The following ZNF385D variants were observed in gnomAD, a reference collection of about 807,000 sequenced individuals.
ZNF385D encodes the protein zinc finger protein 659.
ZNF385D carries 15 observed loss-of-function variants against 35.8 expected under a neutral mutation model. That is an observed-to-expected ratio of 0.42 (90% CI 0.28 to 0.64). ZNF385D has a LOEUF of 0.64. Among genes scored for constraint, ZNF385D ranks in the 30% least tolerant of loss-of-function variants. The probability of loss-of-function intolerance (pLI) is 0.23; values close to 1 mark genes in which losing one functional copy is unlikely to be tolerated. For missense variants in ZNF385D, 474 were observed against 494.6 expected (o/e 0.96, Z 0.39); for synonymous variants, 212 against 186.8 (o/e 1.13, Z -1.10).
At chr3:22,307,375 G>C (rs1206595330) in intron 2 of ZNF385D, among the ~76,000 whole-genome samples, 1 of 152,124 alleles carries the variant, frequency 6.6e-6, no homozygotes, top group Non-Finnish European at 1.5e-5. Context: ...TCACAGAATT[G>C]AAGTTTAAGA....
chr3:22,117,574 A>G (rs190940760), intron 3 of ZNF385D, among the ~76,000 whole-genome samples: 181 of 149,614 alleles, frequency 1.2e-3, no homozygotes, highest in African/African-American at 4.2e-3. Context: ...TTATTCCACT[A>G]TTTTTTTTTT....
intron 2 of ZNF385D, among the ~76,000 whole-genome samples, chr3:22,177,854 A>G (rs568867443): frequency 6.6e-6 from 1 of 151,954 alleles, no homozygotes; most frequent in African/African-American, 2.4e-5. Context: ...TGTCCTTGTG[A>G]TAGTTTGCTG....
chr3:21,886,340 C>A lies in ZNF385D; in HGVS notation c.326-221312G>T, dbSNP rs1415600753. ...TGCACAGTGATTGTAGATTTAGTAA[C>A]CGAATCTGGCTGTGATTAATGAGGA... On this transcript the variant is annotated intron_variant, in intron 3 of 5. Coordinates refer to the ZNF385D transcript ENST00000494108. 3.5e-5 allele frequency among the ~76,000 whole-genome samples: 5 copies of A among 141,970 alleles called. No individual in the cohort carries two copies. In the Admixed American group the frequency reaches 3.6e-4, roughly 10 times the overall value. 93.1% of individuals were successfully genotyped at this position (141,970 alleles called of 152,430 possible).
intron 4 of ZNF385D, chr3:21,441,754 G>A (rs1288188865): frequency 7.1e-6 from 7 of 985,020 alleles, no homozygotes; most frequent in Middle Eastern, 5.2e-4. Flanking sequence ...TGCAAAAGAT[G>A]AGAAAGTAGG....
At chr3:22,105,097 A>G (rs1004920575) in intron 3 of ZNF385D, among the ~76,000 whole-genome samples, 25 of 152,280 alleles carry the variant, frequency 1.6e-4, no homozygotes, top group African/African-American at 4.3e-4. Context: ...AGGGGCCAAG[A>G]TAAGTATTCA....
chr3:21,773,466 T>A (rs1355163089), intron 3 of ZNF385D, among the ~76,000 whole-genome samples: 1 of 151,866 alleles, frequency 6.6e-6, no homozygotes, highest in African/African-American at 2.4e-5. Context: ...GGAAACTACA[T>A]CAGAGTAAAC....
intron 3 of ZNF385D, among the ~76,000 whole-genome samples, chr3:21,822,274 G>A (rs1157983496): frequency 6.6e-6 from 1 of 151,738 alleles, no homozygotes; most frequent in Non-Finnish European, 1.5e-5. Flanking sequence ...GGGTTTCACC[G>A]TGTTAGCCAG....
intron 3 of ZNF385D, among the ~76,000 whole-genome samples, chr3:21,936,473 C>G (rs1044443942): frequency 1.3e-5 from 2 of 151,874 alleles, no homozygotes; most frequent in African/African-American, 4.8e-5. Context: ...CTGTTACTAG[C>G]CCTACTCTGT....
At chr3:21,923,123 T>C (rs551621208) in intron 3 of ZNF385D, among the ~76,000 whole-genome samples, 2 of 152,272 alleles carry the variant, frequency 1.3e-5, no homozygotes, top group East Asian at 3.9e-4. Context: ...CATGTTGGTG[T>C]GCTACACCCA....
chr3:21,592,679 G>T (rs1049944621), intron 2 of ZNF385D, among the ~76,000 whole-genome samples: 1 of 152,020 alleles, frequency 6.6e-6, no homozygotes, highest in African/African-American at 2.4e-5. Flanking sequence ...TCTCAAATCA[G>T]ATCGTTTAGA....
chr3:21,604,224 T>C (rs559620549), intron 2 of ZNF385D, among the ~76,000 whole-genome samples: 1 of 151,976 alleles, frequency 6.6e-6, no homozygotes, highest in South Asian at 2.1e-4. Flanking sequence ...GTTTTAGATA[T>C]GGAGACCTAT....
chr3:22,115,088 A>G (rs1328960538), intron 3 of ZNF385D, among the ~76,000 whole-genome samples: 3 of 152,048 alleles, frequency 2.0e-5, no homozygotes, highest in African/African-American at 7.2e-5. Context: ...CAGGGTGTCA[A>G]CTCACTGGCA....
chr3:22,301,346 A>G (rs1259695958), intron 2 of ZNF385D, among the ~76,000 whole-genome samples: 1 of 152,056 alleles, frequency 6.6e-6, no homozygotes, highest in Non-Finnish European at 1.5e-5. Context: ...CATAAGAACA[A>G]TAAGTCCATT....
At chr3:21,750,802 T>A in intron 1 of ZNF385D, 93 bp downstream of exon 1, 1 of 1,532,254 alleles carries the variant, frequency 6.5e-7, no homozygotes, top group Admixed American at 1.7e-5. Flanking sequence ...TAATGTAACA[T>A]ATTCTTGCTG....
intron 2 of ZNF385D, among the ~76,000 whole-genome samples, chr3:22,294,939 C>T (rs1702489228): frequency 6.6e-6 from 1 of 151,934 alleles, no homozygotes; most frequent in Non-Finnish European, 1.5e-5. Context: ...ATCTATTTTC[C>T]ATTACAGGAC....
chr3:21,764,905 C>T (rs576518257), intron 3 of ZNF385D, among the ~76,000 whole-genome samples: 1 of 152,104 alleles, frequency 6.6e-6, no homozygotes, highest in African/African-American at 2.4e-5. Flanking sequence ...CCACTTCTCT[C>T]CTGCCTACAA....
chr3:21,911,649 T>C (rs545065975), intron 3 of ZNF385D, among the ~76,000 whole-genome samples: 71 of 151,774 alleles, frequency 4.7e-4, no homozygotes, highest in African/African-American at 1.6e-3. Flanking sequence ...ATAGTAGCTA[T>C]ATTGCAGAAG....
chr3:22,339,015 A>G (rs1194402093), intron 2 of ZNF385D, among the ~76,000 whole-genome samples: 1 of 152,018 alleles, frequency 6.6e-6, no homozygotes, highest in East Asian at 1.9e-4. Context: ...CTCACTTTTT[A>G]AAAAAGAAAA....
chr3:22,209,017 G>A (rs1697340604), intron 2 of ZNF385D, among the ~76,000 whole-genome samples: 2 of 151,802 alleles, frequency 1.3e-5, no homozygotes, highest in South Asian at 4.1e-4. Context: ...TAAATATTAA[G>A]TGTCTCAGTC....
Sources: allele counts gnomAD v4.1 joint callset (sites outside exome capture counted in the v4.1 genomes callset), GRCh38; gene constraint gnomAD v4.1.1; transcripts MANE v1.5; gene names NCBI Gene and HGNC (gene_info 2026-07-23, HGNC 2026-07-21).